The following ENPP6 variants were observed in gnomAD, a reference collection of about 807,000 sequenced individuals.
ENPP6 encodes ectonucleotide pyrophosphatase/phosphodiesterase 6.
A neutral mutation model predicts 42.0 loss-of-function variants in ENPP6; 32 were observed. The ratio of observed to expected loss-of-function variants is 0.76; its 90% CI spans 0.58 to 1.02. ENPP6 has a LOEUF of 1.02. ENPP6 is among the 50% of genes least tolerant of loss of function. The pLI is 0.00. For missense variants in ENPP6, 552 were observed against 566.8 expected, an observed-to-expected ratio of 0.97 and a Z score of 0.27; for synonymous variants, 213 against 216.0, an observed-to-expected ratio of 0.99 and a Z score of 0.12.
At chr4:184,141,023 T>C (rs1166990105) in intron 2 of ENPP6, among the ~76,000 whole-genome samples, 1 of 97,052 alleles carries the variant, frequency 1.0e-5, no homozygotes, top group Non-Finnish European at 2.3e-5. Flanking sequence ...GAATCTACAA[T>C]GAACTCAAAC....
At chr4:184,093,017 C>T (rs1735834055) in intron 7 of ENPP6, among the ~76,000 whole-genome samples, 9 of 152,154 alleles carry the variant, frequency 5.9e-5, no homozygotes. Flanking sequence ...TATGTTAGAT[C>T]CAGGGCAACT....
At chr4:184,186,950 C>T (rs1732642398) in intron 1 of ENPP6, among the ~76,000 whole-genome samples, 1 of 152,210 alleles carries the variant, frequency 6.6e-6, no homozygotes, top group Admixed American at 6.5e-5. Context: ...AAAGTCTGCG[C>T]CACGACCTAC....
At chr4:184,193,344 A>T (rs1732734575) in intron 1 of ENPP6, among the ~76,000 whole-genome samples, 1 of 152,232 alleles carries the variant, frequency 6.6e-6, no homozygotes, top group African/African-American at 2.4e-5. Context: ...GAACCTCAGA[A>T]TCATTAGAGT....
Position 184,209,295 on chromosome 4 carries a change from G to A in ENPP6, c.241+8284C>T, listed in dbSNP as rs1204390833. 1.3e-3 allele frequency among the ~76,000 whole-genome samples: 187 copies of A among 148,672 alleles called. 4 individuals carry two copies. The highest frequency in any genetic ancestry group is 4.4e-3 in the African/African-American group (179 of 40,406). ...AGACGATCAAATTACTCTGAGCTAC[G>A]GGAGGACATTCAAACCAAAGGCAAA... On this transcript the variant is annotated intron_variant, in intron 1 of 7. Transcript: ENST00000296741.
intron 6 of ENPP6, among the ~76,000 whole-genome samples, chr4:184,106,924 C>T (rs1483253286): frequency 1.3e-5 from 2 of 152,192 alleles, no homozygotes; most frequent in Non-Finnish European, 2.9e-5. Context: ...GATGGAAGAG[C>T]GTGCTTGAGT....
At chr4:184,112,584 G>A in intron 6 of ENPP6, 88 bp downstream of exon 6, 2 of 1,460,702 alleles carry the variant, frequency 1.4e-6, no homozygotes, top group Non-Finnish European at 1.8e-6. Context: ...AATCTTTTAT[G>A]TATAAAAACT....
At chr4:184,101,304 T>TG (rs1735999619) in intron 6 of ENPP6, among the ~76,000 whole-genome samples, 1 of 137,098 alleles carries the variant, frequency 7.3e-6, no homozygotes, top group African/African-American at 2.7e-5. Context: ...GTGTGTGAGC[T>TG]TGTGTGTGTG....
Position 184,117,827 on chromosome 4 carries a change from A to T in ENPP6, c.607T>A (p.Ser203Thr). The T allele has an allele frequency of 6.2e-7, 1 of 1,614,222 alleles. No homozygotes were observed. The highest frequency in any genetic ancestry group is 1.1e-5 in the South Asian group (1 of 91,086). Residue 203 changes from serine (S) to threonine (T), a missense_variant, in exon 4 of 8, where the codon TCT becomes ACT. Around this residue, in one of 2 missense-constraint regions of ENPP6, gnomAD observed 545 missense variants for 546.3 expected, o/e 1.00. Transcript: ENST00000296741. ...TTGAGGGCATCTTTCCTCTGCGGAG[A>T]TGCAGGCCCGTAGTGGTGGCCTTCC... ...DVEGHHYGPA[S>T]PQRKDALKAV...
At chr4:184,190,703 C>T (rs1732701896) in intron 1 of ENPP6, among the ~76,000 whole-genome samples, 1 of 152,006 alleles carries the variant, frequency 6.6e-6, no homozygotes, top group South Asian at 2.1e-4. Flanking sequence ...AGACCCTGCC[C>T]TCATTGGGAC....
At chr4:184,177,729 C>T (rs538945498) in intron 1 of ENPP6, among the ~76,000 whole-genome samples, 62 of 152,126 alleles carry the variant, frequency 4.1e-4, no homozygotes, top group African/African-American at 1.3e-3. Flanking sequence ...GGAACCCAAG[C>T]GAATGGAGTC....
intron 6 of ENPP6, among the ~76,000 whole-genome samples, chr4:184,105,551 T>C (rs1430424734): frequency 5.3e-5 from 8 of 152,172 alleles, no homozygotes; most frequent in Non-Finnish European, 1.2e-4. Context: ...ATAGGCAAGA[T>C]ACCTAAAATG....
intron 1 of ENPP6, among the ~76,000 whole-genome samples, chr4:184,212,494 T>G (rs1733128151): frequency 6.6e-6 from 1 of 150,534 alleles, no homozygotes; most frequent in South Asian, 2.1e-4. Flanking sequence ...TCACAATTGC[T>G]TCAAAGAGAA....
rs76835324 is a variant in ENPP6, at chr4:184,111,128, G to T, written c.993+1544C>A. Among the ~76,000 whole-genome samples, 644 of 152,194 alleles carry T rather than the reference G, an allele frequency of 4.2e-3. 8 individuals are homozygous for T. Among genetic ancestry groups the T allele is most frequent in the African/African-American group, 0.014 (582 of 41,512 alleles). On this transcript the variant is annotated intron_variant, in intron 6 of 7. Coordinates refer to ENST00000296741, the MANE Select transcript of ENPP6 (RefSeq NM_153343.4). Reference sequence around the variant, plus strand: ...CCTACCTAAGCCTGTTTTCCACCAAGATGCCCGATCACTTCTGCGCTCTTA... The same window carrying T: ...CCTACCTAAGCCTGTTTTCCACCAATATGCCCGATCACTTCTGCGCTCTTA...
At chr4:184,197,461 G>A (rs887330088) in intron 1 of ENPP6, among the ~76,000 whole-genome samples, 2 of 152,258 alleles carry the variant, frequency 1.3e-5, no homozygotes, top group African/African-American at 4.8e-5. Context: ...TGGCGAGAGG[G>A]GCTGGAAGAG....
chr4:184,195,895 C>T (rs760400290), intron 1 of ENPP6, among the ~76,000 whole-genome samples: 1 of 152,216 alleles, frequency 6.6e-6, no homozygotes, highest in Non-Finnish European at 1.5e-5. Flanking sequence ...AGACTTCTTT[C>T]TCTCTAATCC....
Position 184,117,768 on chromosome 4 carries a change from C to G in ENPP6, c.666G>C (p.Lys222Asn), listed in dbSNP as rs369581585. Residue 222 changes from lysine (K) to asparagine (N), a missense_variant, in exon 4 of 8, where the codon AAG (lysine) becomes AAC (asparagine). Physicochemically the swap from Lys to Asn is moderately conservative, Grantham distance 94. This residue lies in a region of ENPP6 where 545 missense variants were observed against 546.3 expected (regional missense o/e 1.00). Transcript: ENST00000296741. ...CTTTGCTTCAGGTCACCTGGATCCA[C>G]TTGGTCATGTACTTCAGGACAGTGT... ...AVDTVLKYMTKWIQERGLQDR... is the reference protein window; with the variant it reads ...AVDTVLKYMTNWIQERGLQDR... 5.6e-6 allele frequency: 9 copies of G among 1,613,956 alleles called. No individual in the cohort carries two copies. Among genetic ancestry groups the G allele is most frequent in the Non-Finnish European group, 7.6e-6 (9 of 1,179,784 alleles).
At chr4:184,199,012 C>G (rs917230073) in intron 1 of ENPP6, among the ~76,000 whole-genome samples, 6 of 152,174 alleles carry the variant, frequency 3.9e-5, no homozygotes, top group African/African-American at 9.7e-5. Context: ...AAGAGTCTGG[C>G]TGAACAGAGA....
intron 2 of ENPP6, 98 bp downstream of exon 2, chr4:184,153,456 C>T: frequency 7.3e-7 from 1 of 1,367,894 alleles, no homozygotes; most frequent in Non-Finnish European, 9.9e-7. Context: ...ATCCCATTTT[C>T]CAAACCACGG....
At chr4:184,158,421 A>G (rs1242482498) in intron 1 of ENPP6, among the ~76,000 whole-genome samples, 1 of 152,176 alleles carries the variant, frequency 6.6e-6, no homozygotes, top group Non-Finnish European at 1.5e-5. Flanking sequence ...GGTGGGGGGA[A>G]TAGGATTGTT....
Sources: gnomAD v4.1 joint callset for allele counts (sites outside exome capture counted in the v4.1 genomes callset) on GRCh38, gnomAD v4.1.1 for gene constraint, gnomAD v4.1.1 regional missense constraint, MANE v1.5 for transcripts, NCBI Gene and HGNC (gene_info 2026-07-23, HGNC 2026-07-21) for gene names.